Variants in LAMA2 observed in about 807,000 individuals in gnomAD.
The protein encoded by LAMA2 is laminin subunit alpha 2, also known as laminin subunit alpha-2.
A neutral mutation model predicts 364.8 loss-of-function variants in LAMA2; 269 were observed. The observed-to-expected ratio is 0.74, with a 90% CI of 0.67 to 0.82. The LOEUF is 0.82. Among genes scored for constraint, LAMA2 ranks in the 40% least tolerant of loss-of-function variants. The pLI is 0.00. For synonymous variants in LAMA2, 1,379 were observed against 1,370.6 expected, an observed-to-expected ratio of 1.01 and a Z score of -0.14; for missense variants, 3,807 against 3,873.2, an observed-to-expected ratio of 0.98 and a Z score of 0.45.
chr6:129,300,669 C>T, intron 21 of LAMA2, 67 bp from the exon 22 acceptor site: 1 of 1,512,150 alleles, frequency 6.6e-7, no homozygotes, highest in Non-Finnish European at 9.2e-7. Flanking sequence ...CAATATAAAA[C>T]TCAACACTTT....
At chr6:129,349,780 C>T (rs1776757034) in intron 31 of LAMA2, among the ~76,000 whole-genome samples, 1 of 151,942 alleles carries the variant, frequency 6.6e-6, no homozygotes, top group Admixed American at 6.6e-5. Flanking sequence ...CTGGAAGTAA[C>T]TGAATTCACG....
rs767209477 is a variant in LAMA2 at position 129,383,222 on chromosome 6, G to A, written c.5060G>A (p.Arg1687Gln). The change falls in exon 35 of 65, where the codon CGG becomes CAG. Residue 1687 changes from arginine (R) to glutamine (Q), a missense_variant. By Grantham distance (43) the Arg-to-Gln change is conservative. Transcript: ENST00000421865. Reference protein sequence around the residue: ...SLGEFIKELARDAEAVNEKAI... With the variant: ...SLGEFIKELAQDAEAVNEKAI... ...GGAGAATTCATTAAGGAGCTTGCCC[G>A]GGATGCAGAAGGTATTAGAAAGAAT... 40 of 1,611,054 alleles carry A rather than the reference G, an allele frequency of 2.5e-5. No homozygotes were observed. The highest frequency in any genetic ancestry group is 4.5e-5 in the East Asian group (2 of 44,860).
chr6:129,202,133 A>G (rs1449966599), intron 12 of LAMA2, among the ~76,000 whole-genome samples: 1 of 142,486 alleles, frequency 7.0e-6, no homozygotes, highest in Non-Finnish European at 1.5e-5. Flanking sequence ...GGTTTCAGTG[A>G]GCCGAGATCA....
chr6:129,477,058 A>G (rs1784101518), intron 53 of LAMA2, among the ~76,000 whole-genome samples: 1 of 152,188 alleles, frequency 6.6e-6, no homozygotes, highest in African/African-American at 2.4e-5. Context: ...TCACCCTATC[A>G]ACTACAATAT....
chr6:129,471,433 A>G (rs542654321), intron 51 of LAMA2, among the ~76,000 whole-genome samples: 11 of 152,048 alleles, frequency 7.2e-5, no homozygotes, highest in African/African-American at 2.6e-4. Context: ...AAAAATGCAT[A>G]TATTCATTCA....
Position 129,502,641 on chromosome 6 carries a change from C to T in LAMA2, c.8245-18C>T. ...ACAGTCCATAATCTCCTGTTTTTCT[C>T]TCCTGGGTATTTTACAGGGTCCTTG... On this transcript the variant is annotated intron_variant, in intron 58 of 64. Transcript: ENST00000421865. 6.5e-7 allele frequency: 1 copy of T among 1,531,394 alleles called. No homozygotes were observed. The highest frequency in any genetic ancestry group is 2.2e-5 in the East Asian group (1 of 44,460). 94.9% of individuals were successfully genotyped at this position (1,531,394 alleles called of 1,614,324 possible).
intron 32 of LAMA2, 129 bp downstream of exon 32, chr6:129,353,486 T>C: frequency 1.4e-6 from 1 of 738,238 alleles, no homozygotes; most frequent in Non-Finnish European, 2.3e-6. Context: ...CTCTTCATTC[T>C]TTCTGACACT....
intron 3 of LAMA2, among the ~76,000 whole-genome samples, chr6:129,079,840 A>G (rs775441772): frequency 2.6e-5 from 4 of 152,170 alleles, no homozygotes; most frequent in Non-Finnish European, 4.4e-5. Context: ...ACATGTACCT[A>G]TAAGTACATA....
chr6:128,972,258 T>A (rs1458800212), intron 1 of LAMA2, among the ~76,000 whole-genome samples: 2 of 152,190 alleles, frequency 1.3e-5, no homozygotes, highest in Non-Finnish European at 2.9e-5. Context: ...GTCTCACAGA[T>A]TTAGGACAGT....
At chr6:129,426,713 CAATT>C (rs1781344131) in intron 40 of LAMA2, among the ~76,000 whole-genome samples, 1 of 152,142 alleles carries the variant, frequency 6.6e-6, no homozygotes, top group South Asian at 2.1e-4. Flanking sequence ...TATGAGCAAT[CAATT>C]ATTTACCTGA....
chr6:129,403,978 A>C lies in LAMA2; in HGVS notation c.5865+19A>C, dbSNP rs767664705. 1 of 1,613,592 alleles carries C rather than the reference A, an allele frequency of 6.2e-7. No homozygotes were observed. Among genetic ancestry groups the C allele is most frequent in the South Asian group, 1.1e-5 (1 of 91,068 alleles). On this transcript the variant is annotated intron_variant, in intron 40 of 64. Coordinates refer to ENST00000421865, the MANE Select transcript of LAMA2 (RefSeq NM_000426.4). ...AAAACTGGTAAGAAACAAATGGCAC[A>C]TGTGCTGGGAATGGAAGTCAACCTT...
intron 20 of LAMA2, among the ~76,000 whole-genome samples, chr6:129,297,229 G>T (rs945436140): frequency 6.6e-6 from 1 of 152,084 alleles, no homozygotes; most frequent in African/African-American, 2.4e-5. Context: ...AGGGCAAAAA[G>T]GATTATTTTA....
At chr6:129,417,175 G>A (rs1780839813) in intron 40 of LAMA2, among the ~76,000 whole-genome samples, 1 of 152,094 alleles carries the variant, frequency 6.6e-6, no homozygotes, top group Non-Finnish European at 1.5e-5. Flanking sequence ...TTGCGGGGGG[G>A]TCCCAAGTTC....
intron 3 of LAMA2, among the ~76,000 whole-genome samples, chr6:129,095,479 G>A (rs753546521): frequency 7.2e-5 from 11 of 152,056 alleles, no homozygotes; most frequent in African/African-American, 1.9e-4. Context: ...TCTAAGAAAC[G>A]TTTTTATATT....
At chr6:129,370,188 C>T (rs1777995342) in intron 34 of LAMA2, among the ~76,000 whole-genome samples, 198 bp downstream of exon 34, 1 of 152,164 alleles carries the variant, frequency 6.6e-6, no homozygotes, top group Non-Finnish European at 1.5e-5. Flanking sequence ...TTGGGGATAC[C>T]TGGAAATTGT....
Position 129,282,696 on chromosome 6 carries a change from A to G in LAMA2, c.2537+2549A>G, listed in dbSNP as rs1788808756. 2.0e-5 allele frequency among the ~76,000 whole-genome samples: 3 copies of G among 152,046 alleles called. No individual in the cohort carries two copies. The South Asian group carries it at 6.2e-4, about 31-fold the overall frequency. On this transcript the variant is annotated intron_variant, in intron 18 of 64. Transcript: ENST00000421865. ...TTCAGGTCTAGAAAGTCTCTCAACT[A>G]CTTTCATTCCATTCTTAGAGGCACA...
intron 40 of LAMA2, among the ~76,000 whole-genome samples, chr6:129,426,505 T>C (rs1361362378): frequency 2.0e-5 from 3 of 152,086 alleles, no homozygotes; most frequent in Non-Finnish European, 2.9e-5. Context: ...TATGTGATGT[T>C]ACTGTATCTA....
intron 1 of LAMA2, among the ~76,000 whole-genome samples, chr6:128,895,731 G>T (rs928652923): frequency 6.6e-6 from 1 of 152,120 alleles, no homozygotes; most frequent in Non-Finnish European, 1.5e-5. Context: ...ATTCCTTGCT[G>T]AGCTCCTGAA....
At chr6:129,170,476 A>T in intron 9 of LAMA2, among the ~76,000 whole-genome samples, 1 of 115,470 alleles carries the variant, frequency 8.7e-6, no homozygotes, top group Admixed American at 7.7e-5. Context: ...AGCAGTTTTG[A>T]GTGAGATTCT....
Sources: allele counts gnomAD v4.1 joint callset (sites outside exome capture counted in the v4.1 genomes callset), GRCh38; gene constraint gnomAD v4.1.1; transcripts MANE v1.5; gene names NCBI Gene and HGNC (gene_info 2026-07-23, HGNC 2026-07-21).